Variants in GRM7 observed in about 807,000 individuals in gnomAD.
The protein encoded by GRM7 is metabotropic glutamate receptor 7.
In GRM7, 35 loss-of-function variants were observed where a neutral mutation model predicts 84.5. That is an observed-to-expected ratio of 0.41 (90% CI 0.32 to 0.55). The LOEUF is 0.55. Among genes scored for constraint, GRM7 ranks in the 20% least tolerant of loss-of-function variants. The pLI is 0.19. For synonymous variants in GRM7, 487 were observed against 455.1 expected (o/e 1.07, Z -0.89); for missense variants, 1,003 against 1,194.6 (o/e 0.84, Z 2.36).
intron 2 of GRM7, among the ~76,000 whole-genome samples, chr3:7,179,403 G>A (rs2875257): frequency 0.34 from 51,377 of 152,062 alleles, 9,452 homozygotes; most frequent in African/African-American, 0.49. Flanking sequence ...AACAACAGCC[G>A]GGATTTCTCT....
chr3:7,579,417 T>C (rs951126381), intron 8 of GRM7, 60 bp downstream of exon 8: 3 of 928,778 alleles, frequency 3.2e-6, no homozygotes, highest in Non-Finnish European at 3.2e-6. Flanking sequence ...TTGTAAGTAC[T>C]GAAACCAAAT....
chr3:7,271,419 C>T (rs1459237611), intron 2 of GRM7, among the ~76,000 whole-genome samples: 2 of 151,688 alleles, frequency 1.3e-5, no homozygotes, highest in African/African-American at 4.8e-5. Context: ...ATTAGCCGGG[C>T]GTGGTGGCGG....
At position 7,562,815 on chromosome 3, in the gene GRM7, C is replaced by T. The variant is rs150906147; in HGVS notation, c.1516-15607C>T. On this transcript the variant is annotated intron_variant, in intron 7 of 9. Coordinates refer to ENST00000357716, the MANE Select transcript of GRM7 (RefSeq NM_000844.4). ...TCTCAAAGTCTTCAGTACACTAATA[C>T]GCATCCTGCCTCCCCTGATGTGTCT... Among the ~76,000 whole-genome samples the T allele has an allele frequency of 4.8e-3, 737 of 152,226 alleles. 10 individuals are homozygous for T. Among genetic ancestry groups the T allele is most frequent in the African/African-American group, 0.017 (707 of 41,550 alleles).
chr3:7,093,397 C>T (rs185208644), intron 1 of GRM7, among the ~76,000 whole-genome samples: 58 of 151,518 alleles, frequency 3.8e-4, no homozygotes, highest in Admixed American at 1.4e-3. Context: ...AGTTAGTGGC[C>T]GGCCAGCCAT....
intron 1 of GRM7, among the ~76,000 whole-genome samples, chr3:7,107,729 CT>C (rs1257922762): frequency 6.6e-6 from 1 of 151,908 alleles, no homozygotes; most frequent in Admixed American, 6.6e-5. Context: ...AAGAAGTTAA[CT>C]GTTATTTAAA....
rs893054054 is a variant in GRM7, at chr3:7,643,308, C to A, written c.2452-36741C>A. The stretch of plus-strand genomic sequence containing the variant: ...AACTTCAGTATTCACAAGGGCTACG[C>A]AGGGAGCCCAATGAAAAACAAACAA... On this transcript the variant is annotated intron_variant, in intron 8 of 9. Coordinates refer to ENST00000357716, the MANE Select transcript of GRM7 (RefSeq NM_000844.4). 1.4e-3 allele frequency among the ~76,000 whole-genome samples: 195 copies of A among 135,756 alleles called. 3 individuals are homozygous for A. In the South Asian group the frequency reaches 0.048, roughly 34 times the overall value. 89.1% of individuals were successfully genotyped at this position (135,756 alleles called of 152,430 possible).
At chr3:7,734,088 C>A (rs746289687) in intron 9 of GRM7, among the ~76,000 whole-genome samples, 7 of 152,192 alleles carry the variant, frequency 4.6e-5, no homozygotes, top group Non-Finnish European at 8.8e-5. Context: ...AAACACTTCA[C>A]ACATTTTCTC....
intron 1 of GRM7, among the ~76,000 whole-genome samples, chr3:7,083,733 A>G (rs1366787647): frequency 2.0e-5 from 3 of 152,174 alleles, no homozygotes; most frequent in African/African-American, 7.2e-5. Flanking sequence ...ATAGGAGGAC[A>G]CAAGCAAGAA....
chr3:7,168,239 A>G (rs1032529897), intron 2 of GRM7, among the ~76,000 whole-genome samples: 1 of 152,106 alleles, frequency 6.6e-6, no homozygotes, highest in Non-Finnish European at 1.5e-5. Context: ...TTATGTTTCA[A>G]CTATTGTTTC....
intron 2 of GRM7, among the ~76,000 whole-genome samples, chr3:7,176,564 C>T (rs538207399): frequency 2.0e-5 from 3 of 152,192 alleles, no homozygotes; most frequent in African/African-American, 7.2e-5. Context: ...TAATCTACTC[C>T]TCTTTTAAAG....
At chr3:7,562,829 C>G (rs1364052632) in intron 7 of GRM7, among the ~76,000 whole-genome samples, 1 of 152,098 alleles carries the variant, frequency 6.6e-6, no homozygotes, top group Non-Finnish European at 1.5e-5. Context: ...TCCTGCCTCC[C>G]CTGATGTGTC....
At chr3:7,171,472 T>C (rs552328332) in intron 2 of GRM7, among the ~76,000 whole-genome samples, 2 of 152,268 alleles carry the variant, frequency 1.3e-5, no homozygotes, top group Admixed American at 1.3e-4. Context: ...GAGTCATAAT[T>C]CAACTCACAG....
At chr3:7,139,406 T>C (rs1574951839) in intron 1 of GRM7, among the ~76,000 whole-genome samples, 1 of 151,988 alleles carries the variant, frequency 6.6e-6, no homozygotes, top group Non-Finnish European at 1.5e-5. Flanking sequence ...TTTTAATTAC[T>C]GCTTAAAGTT....
At chr3:7,672,576 C>T (rs1699960208) in intron 8 of GRM7, among the ~76,000 whole-genome samples, 1 of 150,616 alleles carries the variant, frequency 6.6e-6, no homozygotes, top group South Asian at 2.1e-4. Context: ...TAGTCAATGA[C>T]AGATGAAATA....
At chr3:7,492,367 A>G (rs920420014) in intron 7 of GRM7, among the ~76,000 whole-genome samples, 29 of 152,132 alleles carry the variant, frequency 1.9e-4, no homozygotes, top group African/African-American at 6.8e-4. Context: ...TTTTAATTGC[A>G]TATTTAATTT....
chr3:6,955,265 G>A (rs145129023), intron 1 of GRM7, among the ~76,000 whole-genome samples: 227 of 152,324 alleles, frequency 1.5e-3, no homozygotes, highest in African/African-American at 5.2e-3. Flanking sequence ...GCCGGGGCTG[G>A]TGGCTTACGC....
chr3:7,695,257 C>A (rs921620453), intron 9 of GRM7, among the ~76,000 whole-genome samples: 2 of 152,116 alleles, frequency 1.3e-5, no homozygotes, highest in Non-Finnish European at 2.9e-5. Context: ...AGCAGAAAAA[C>A]ATAGCATCAC....
At chr3:7,240,328 C>T (rs1021753771) in intron 2 of GRM7, among the ~76,000 whole-genome samples, 6 of 150,650 alleles carry the variant, frequency 4.0e-5, no homozygotes, top group African/African-American at 1.5e-4. Context: ...AGGACATGAA[C>T]TCATGGCCTG....
intron 4 of GRM7, among the ~76,000 whole-genome samples, chr3:7,326,884 C>T (rs917664024): frequency 2.0e-5 from 3 of 151,778 alleles, no homozygotes; most frequent in African/African-American, 7.3e-5. Flanking sequence ...AATCTATCCT[C>T]ACCACTATAA....
Sources: allele counts gnomAD v4.1 joint callset (sites outside exome capture counted in the v4.1 genomes callset), GRCh38; gene constraint gnomAD v4.1.1; transcripts MANE v1.5; gene names NCBI Gene and HGNC (gene_info 2026-07-23, HGNC 2026-07-21).